VPS13D: variants seen among roughly 807,000 people sequenced by gnomAD.
VPS13D encodes vacuolar protein sorting 13 homolog D, also known as intermembrane lipid transfer protein VPS13D.
A neutral mutation model predicts 461.9 loss-of-function variants in VPS13D; 187 were observed. That is an observed-to-expected ratio of 0.40 (90% CI 0.36 to 0.46). The LOEUF is 0.46. Among genes scored for constraint, VPS13D ranks in the 20% least tolerant of loss-of-function variants. The probability of loss-of-function intolerance (pLI) is 0.60; values close to 1 mark genes in which losing one functional copy is unlikely to be tolerated. For synonymous variants in VPS13D, 1,951 were observed against 1,986.3 expected (o/e 0.98, Z 0.47); for missense variants, 4,711 against 5,364.9 (o/e 0.88, Z 3.81).
rs1553178193 is a variant in VPS13D at position 12,312,948 on chromosome 1, C to CAGTGTAAATGTATG, written c.6935+1025_6935+1038dup. 2.6e-5 allele frequency among the ~76,000 whole-genome samples: 4 copies of CAGTGTAAATGTATG among 152,290 alleles called. No homozygotes were observed. In the East Asian group the frequency reaches 7.7e-4, roughly 29 times the overall value. On this transcript the variant is annotated intron_variant, in intron 29 of 69. Transcript: ENST00000620676. ...CGCTTATTTCTGTCACTTCCTTAGT[C>CAGTGTAAATGTATG]AGTGTAAATGTATGAATTCGTGATT... is the stretch of plus-strand genomic sequence containing the variant.
At chr1:12,374,224 C>G (rs1014041106) in intron 55 of VPS13D, among the ~76,000 whole-genome samples, 2 of 152,146 alleles carry the variant, frequency 1.3e-5, no homozygotes, top group Non-Finnish European at 2.9e-5. Context: ...GTTATTATTT[C>G]ACTTGATAAG....
At position 12,314,119 on chromosome 1, in the gene VPS13D, G is replaced by A; in HGVS notation, c.6940G>A (p.Asp2314Asn). 1 of 1,613,478 alleles carries A rather than the reference G, an allele frequency of 6.2e-7. No homozygotes were observed. Among genetic ancestry groups the A allele is most frequent in the South Asian group, 1.1e-5 (1 of 90,904 alleles). The change falls in exon 30 of 70, where the codon GAC becomes AAC. Residue 2314 changes from aspartate to asparagine, a missense_variant. Physicochemically the swap from Asp to Asn is conservative, Grantham distance 23. This residue lies in a region of VPS13D where 4,411 missense variants were observed against 4,937.8 expected (regional missense o/e 0.89). Coordinates refer to ENST00000620676, the MANE Select transcript of VPS13D (RefSeq NM_015378.4). ...KEGAGSLARF[D>N]FKKCKLLYES... ...GCTTTCTTTTCTCTCTTTTAGATTT[G>A]ACTTCAAGAAATGCAAACTGCTCTA...
intron 57 of VPS13D, among the ~76,000 whole-genome samples, chr1:12,381,151 G>T (rs992886341): frequency 6.6e-6 from 1 of 152,188 alleles, no homozygotes; most frequent in Admixed American, 6.5e-5. Flanking sequence ...TTTGGTTAGG[G>T]AAGTAAGCTT....
At chr1:12,438,983 A>G (rs1191395240) in intron 65 of VPS13D, among the ~76,000 whole-genome samples, 3 of 151,840 alleles carry the variant, frequency 2.0e-5, no homozygotes, top group African/African-American at 7.3e-5. Context: ...TCCCGCGCCC[A>G]CCTTCTAGTC....
Position 12,487,406 on chromosome 1 carries a change from C to T in VPS13D, c.12663-10094C>T, listed in dbSNP as rs1221841058. ...TGGGCGGATCACAAGGTCAGGAGTT[C>T]GAGACCAGCCTGGCCAATATGGTGA... On this transcript the variant is annotated intron_variant, in intron 67 of 69. Transcript: ENST00000620676. 3.9e-5 allele frequency among the ~76,000 whole-genome samples: 6 copies of T among 151,936 alleles called. No homozygotes were observed. In the East Asian group the frequency reaches 7.7e-4, roughly 20 times the overall value.
chr1:12,302,981 G>A (rs937796128), intron 25 of VPS13D, among the ~76,000 whole-genome samples: 7 of 152,018 alleles, frequency 4.6e-5, no homozygotes, highest in South Asian at 2.1e-4. Context: ...GCTTGTTCAA[G>A]TATTTGTAAG....
chr1:12,398,514 C>T (rs1644529606), intron 60 of VPS13D, among the ~76,000 whole-genome samples: 1 of 151,986 alleles, frequency 6.6e-6, no homozygotes, highest in Admixed American at 6.6e-5. Flanking sequence ...GTGGAAAGTA[C>T]CTGCAGATGG....
intron 13 of VPS13D, 79 bp downstream of exon 13, chr1:12,262,159 T>C: frequency 6.8e-7 from 1 of 1,481,050 alleles, no homozygotes; most frequent in Non-Finnish European, 9.1e-7. Context: ...TTATTTGCTG[T>C]GGGGATAGTC....
chr1:12,343,138 T>A, intron 42 of VPS13D, 87 bp downstream of exon 42: 1 of 1,083,462 alleles, frequency 9.2e-7, no homozygotes, highest in Non-Finnish European at 1.2e-6. Context: ...ACTTTCCTTA[T>A]AAATGATTTT....
chr1:12,361,617 G>C (rs554836654), intron 50 of VPS13D, among the ~76,000 whole-genome samples: 2 of 150,892 alleles, frequency 1.3e-5, no homozygotes, highest in Non-Finnish European at 3.0e-5. Flanking sequence ...GGATGGTCTC[G>C]ATCTCCTGAC....
Position 12,505,325 on chromosome 1 carries a change from C to T in VPS13D, c.12795-1528C>T, listed in dbSNP as rs940532258. Reference sequence around the variant, plus strand: ...TCAACTCTGTTCAGTGATGCTGCCGCTCTCAATGCGGTTAGAGCGCAAGAT... The same window carrying T: ...TCAACTCTGTTCAGTGATGCTGCCGTTCTCAATGCGGTTAGAGCGCAAGAT... On this transcript the variant is annotated intron_variant, in intron 68 of 69. Transcript: ENST00000620676. The surrounding 1 kb of genome is among the most constrained non-coding windows in gnomAD (Gnocchi z 4.2). 1.3e-5 allele frequency among the ~76,000 whole-genome samples: 2 copies of T among 152,272 alleles called. No individual in the cohort carries two copies. Among genetic ancestry groups the T allele is most frequent in the Non-Finnish European group, 2.9e-5 (2 of 68,050 alleles).
intron 60 of VPS13D, among the ~76,000 whole-genome samples, chr1:12,398,342 CAAGTAGTTT>C (rs984194977): frequency 1.6e-4 from 25 of 151,788 alleles, no homozygotes; most frequent in Non-Finnish European, 2.2e-4. Context: ...CGAATGAGGG[CAAGTAGTTT>C]AACTTTTTTT....
intron 44 of VPS13D, among the ~76,000 whole-genome samples, chr1:12,348,082 A>G (rs1199979740): frequency 6.6e-6 from 1 of 152,232 alleles, no homozygotes; most frequent in Non-Finnish European, 1.5e-5. Context: ...TAATATATGG[A>G]CCTAAATAAT....
chr1:12,408,216 T>C (rs1352705258), intron 63 of VPS13D, among the ~76,000 whole-genome samples: 4 of 152,214 alleles, frequency 2.6e-5, no homozygotes, highest in Non-Finnish European at 5.9e-5. Context: ...ACCTAATAGG[T>C]AGTTGCTATT....
intron 65 of VPS13D, among the ~76,000 whole-genome samples, chr1:12,455,561 A>C (rs1182987232): frequency 3.3e-5 from 5 of 151,722 alleles, no homozygotes; most frequent in Non-Finnish European, 7.3e-5. Flanking sequence ...AGTCCTTTTG[A>C]GAACCACTCA....
rs1295424240 is a variant in VPS13D, at chr1:12,261,935, C to G, written c.1449C>G (p.Ala483=). 1.2e-6 allele frequency: 2 copies of G among 1,613,674 alleles called. No homozygotes were observed. Among genetic ancestry groups the G allele is most frequent in the African/African-American group, 1.3e-5 (1 of 75,048 alleles). Residue 483 remains alanine, a synonymous_variant, in exon 13 of 70, where the codon GCC becomes GCG. Coordinates refer to ENST00000620676, the MANE Select transcript of VPS13D (RefSeq NM_015378.4). ...AGTTTTTTGACCCCACTGCAGATGCCTCGTGTATGAACACGTATACAAAGC... is the reference window on the plus strand; with the variant it reads ...AGTTTTTTGACCCCACTGCAGATGCGTCGTGTATGAACACGTATACAAAGC... ...TEEFFDPTAD[A]SCMNTYTKRD...
At position 12,276,263 on chromosome 1, in the gene VPS13D, C is replaced by G; in HGVS notation, c.2675C>G (p.Ser892Cys). 2 of 1,614,118 alleles carry G rather than the reference C, an allele frequency of 1.2e-6. No individual in the cohort carries two copies. The highest frequency in any genetic ancestry group is 1.7e-6 in the Non-Finnish European group (2 of 1,180,006). ...ATCCACATTAATGAAGATAAAATAT[C>G]TGCACTAAAGAATTGCTTTGCTCTC... Reference protein sequence around the residue: ...LKIHINEDKISALKNCFALLT... With the variant: ...LKIHINEDKICALKNCFALLT... The change falls in exon 19 of 70, where the codon TCT becomes TGT. Residue 892 changes from serine (S) to cysteine (C), a missense_variant. By Grantham distance (112) the Ser-to-Cys change is moderately radical. This residue lies in a region of VPS13D where 4,411 missense variants were observed against 4,937.8 expected (regional missense o/e 0.89). Coordinates refer to ENST00000620676, the MANE Select transcript of VPS13D (RefSeq NM_015378.4). This position sits in a 1 kb window ranked among gnomAD's most constrained non-coding sequence, Gnocchi z 4.5.
intron 50 of VPS13D, among the ~76,000 whole-genome samples, chr1:12,361,287 C>G (rs922725505): frequency 2.6e-5 from 4 of 151,722 alleles, no homozygotes; most frequent in Non-Finnish European, 5.9e-5. Flanking sequence ...CAGAGCTCAG[C>G]CCAGTACGTT....
chr1:12,320,795 T>C (rs1261917796), intron 32 of VPS13D, among the ~76,000 whole-genome samples: 1 of 152,232 alleles, frequency 6.6e-6, no homozygotes, highest in East Asian at 1.9e-4. Flanking sequence ...TGCTCTGAAG[T>C]CTTAGGACAA....
Sources: gnomAD v4.1 joint callset for allele counts (sites outside exome capture counted in the v4.1 genomes callset) on GRCh38, gnomAD v4.1.1 for gene constraint, gnomAD v4.1.1 regional missense constraint, Gnocchi (gnomAD v3.1) non-coding constraint, MANE v1.5 for transcripts, NCBI Gene and HGNC (gene_info 2026-07-23, HGNC 2026-07-21) for gene names.